The following SHB variants were observed in gnomAD, a reference collection of about 807,000 sequenced individuals.
The protein encoded by SHB is SH2 domain-containing adapter protein B.
SHB carries 20 observed loss-of-function variants against 52.3 expected under a neutral mutation model. The ratio of observed to expected loss-of-function variants is 0.38; its 90% confidence interval spans 0.27 to 0.56. The LOEUF (loss-of-function observed/expected upper bound fraction) is 0.56, where lower values mean the gene tolerates loss of function less well. Among genes scored for constraint, SHB ranks in the 20% least tolerant of loss-of-function variants. The probability of loss-of-function intolerance (pLI) is 0.71; values close to 1 mark genes in which losing one functional copy is unlikely to be tolerated. For synonymous variants in SHB, 397 were observed against 316.5 expected, an observed-to-expected ratio of 1.25 and a Z score of -2.70; for missense variants, 825 against 723.3, an observed-to-expected ratio of 1.14 and a Z score of -1.61.
chr9:38,005,381 G>A (rs1350415629), intron 2 of SHB, among the ~76,000 whole-genome samples: 15 of 152,192 alleles, frequency 9.9e-5, no homozygotes, highest in Non-Finnish European at 2.2e-4. Flanking sequence ...GAACGCAAAC[G>A]GGCCAAGCTG....
At chr9:38,033,865 C>T (rs968975057) in intron 1 of SHB, among the ~76,000 whole-genome samples, 4 of 152,160 alleles carry the variant, frequency 2.6e-5, no homozygotes, top group Admixed American at 2.6e-4. Flanking sequence ...GACACCCCCC[C>T]AGCACCACCT....
intron 1 of SHB, among the ~76,000 whole-genome samples, chr9:38,050,601 TA>T (rs1821726801): frequency 6.6e-6 from 1 of 152,178 alleles, no homozygotes; most frequent in Admixed American, 6.5e-5. Context: ...CCCTTCCCCA[TA>T]ACTATGAAGG....
intron 1 of SHB, among the ~76,000 whole-genome samples, chr9:38,049,734 C>T (rs190503203): frequency 6.6e-6 from 1 of 151,878 alleles, no homozygotes; most frequent in Non-Finnish European, 1.5e-5. Flanking sequence ...GGCACTAACA[C>T]TGGCCCACAC....
intron 4 of SHB, among the ~76,000 whole-genome samples, chr9:37,949,096 G>A (rs1832529608): frequency 6.6e-6 from 1 of 152,130 alleles, no homozygotes; most frequent in Admixed American, 6.5e-5. Flanking sequence ...TTTCAGGCAG[G>A]GTGGCCAGGG....
intron 5 of SHB, among the ~76,000 whole-genome samples, chr9:37,925,377 G>T (rs1002304961): frequency 6.6e-6 from 1 of 152,232 alleles, no homozygotes; most frequent in African/African-American, 2.4e-5. Context: ...GGAAGGACTG[G>T]GGAGCTTCCG....
intron 1 of SHB, among the ~76,000 whole-genome samples, chr9:38,040,231 G>A (rs1821556950): frequency 6.6e-6 from 1 of 152,230 alleles, no homozygotes; most frequent in African/African-American, 2.4e-5. Context: ...GGGAAAGGCT[G>A]GGGTGTGGCC....
chr9:37,953,419 A>AT (rs1229645056), intron 4 of SHB, among the ~76,000 whole-genome samples: 1 of 151,148 alleles, frequency 6.6e-6, no homozygotes, highest in Non-Finnish European at 1.5e-5. Context: ...TGTTGAGTCA[A>AT]GGTTTTTTTT....
intron 1 of SHB, among the ~76,000 whole-genome samples, chr9:38,050,103 T>C (rs1821720421): frequency 1.3e-5 from 2 of 152,180 alleles, no homozygotes; most frequent in Non-Finnish European, 2.9e-5. Flanking sequence ...CATTTAAAAA[T>C]TGAATGCATG....
chr9:38,044,666 G>C (rs1343769989), intron 1 of SHB, among the ~76,000 whole-genome samples: 1 of 152,202 alleles, frequency 6.6e-6, no homozygotes, highest in Non-Finnish European at 1.5e-5. Context: ...CTAAAATGTA[G>C]AGTCTTGGCT....
rs1832443408 is a variant in SHB, at chr9:37,942,268, C to T, written c.1346+6367G>A. 2.6e-5 allele frequency among the ~76,000 whole-genome samples: 4 copies of T among 152,334 alleles called. No homozygotes were observed. The South Asian group carries it at 8.3e-4, about 32-fold the overall frequency. ...CCGGATACAAATAGACGTCATCAAG[C>T]AATCTGAAGGACAGGAGGCAAGTTC... On this transcript the variant is annotated intron_variant, in intron 5 of 5. Coordinates refer to ENST00000377707, the MANE Select transcript of SHB (RefSeq NM_003028.3).
chr9:37,916,325 C>T lies in SHB; in HGVS notation c.*3496G>A, dbSNP rs116308222. Reference sequence around the variant, plus strand: ...ACCAAACGCCAGCCTGCTCTGCTGGCAGGGCTTCTACCTGCACAGTCCCTA... The same window carrying T: ...ACCAAACGCCAGCCTGCTCTGCTGGTAGGGCTTCTACCTGCACAGTCCCTA... On this transcript the variant is annotated 3_prime_UTR_variant, in exon 6 of 6. Coordinates refer to ENST00000377707, the MANE Select transcript of SHB (RefSeq NM_003028.3). Among the ~76,000 whole-genome samples the T allele has an allele frequency of 2.8e-3, 432 of 152,382 alleles. No homozygotes were observed. The highest frequency in any genetic ancestry group is 9.7e-3 in the African/African-American group (403 of 41,604).
intron 1 of SHB, among the ~76,000 whole-genome samples, chr9:38,021,238 G>A (rs1821279100): frequency 6.6e-6 from 1 of 152,106 alleles, no homozygotes; most frequent in African/African-American, 2.4e-5. Flanking sequence ...TACTTGGGAG[G>A]CTGAGGCAGG....
intron 1 of SHB, among the ~76,000 whole-genome samples, chr9:38,045,238 A>G (rs1330238195): frequency 6.6e-6 from 1 of 152,184 alleles, no homozygotes; most frequent in Non-Finnish European, 1.5e-5. Flanking sequence ...ATAAAGGACA[A>G]ATCAAAAGGG....
chr9:38,004,486 G>C (rs897670830), intron 2 of SHB, among the ~76,000 whole-genome samples: 125 of 152,336 alleles, frequency 8.2e-4, no homozygotes, highest in African/African-American at 2.8e-3. Context: ...GCAAAGGTGG[G>C]GGGACCAGGC....
Position 38,002,756 on chromosome 9 carries a change from A to C in SHB, c.838+13255T>G, listed in dbSNP as rs182894398. Among the ~76,000 whole-genome samples the C allele has an allele frequency of 1.6e-3, 244 of 152,330 alleles. 4 individuals are homozygous for C. The highest frequency in any genetic ancestry group is 9.8e-4 in the Admixed American group (15 of 15,300). ...AACAGCATCACATACAGTTCAGTTA[A>C]AAAGTGAGCTAAAACCAGACTGTGA... On this transcript the variant is annotated intron_variant, in intron 2 of 5. Coordinates refer to ENST00000377707, the MANE Select transcript of SHB (RefSeq NM_003028.3).
Position 38,063,410 on chromosome 9 carries a change from C to T in SHB, c.717+4519G>A, listed in dbSNP as rs1202859686. 2.0e-5 allele frequency among the ~76,000 whole-genome samples: 3 copies of T among 152,264 alleles called. No individual in the cohort carries two copies. The East Asian group carries it at 5.8e-4, about 29-fold the overall frequency. On this transcript the variant is annotated intron_variant, in intron 1 of 5. Coordinates refer to ENST00000377707, the MANE Select transcript of SHB (RefSeq NM_003028.3). The stretch of plus-strand genomic sequence containing the variant: ...CTTCTGCAGTCTCCCACCACACCTG[C>T]CCTGCTGCCCCCAGCCATCCTCTCC...
intron 1 of SHB, among the ~76,000 whole-genome samples, chr9:38,043,401 CATCTT>C (rs1276526050): frequency 1.3e-5 from 2 of 152,212 alleles, no homozygotes; most frequent in African/African-American, 4.8e-5. Flanking sequence ...TGGGGACTGA[CATCTT>C]AACTGTGCAT....
At chr9:37,955,208 A>G (rs1222630175) in intron 4 of SHB, among the ~76,000 whole-genome samples, 1 of 152,264 alleles carries the variant, frequency 6.6e-6, no homozygotes, top group Non-Finnish European at 1.5e-5. Flanking sequence ...CTGCATGATG[A>G]AATGAGAAAC....
chr9:37,978,704 T>C (rs1188882418), intron 2 of SHB, among the ~76,000 whole-genome samples: 1 of 152,220 alleles, frequency 6.6e-6, no homozygotes, highest in Non-Finnish European at 1.5e-5. Context: ...TACACTGTGA[T>C]GACAGCAACG....
Sources: allele counts gnomAD v4.1 joint callset (sites outside exome capture counted in the v4.1 genomes callset), GRCh38; gene constraint gnomAD v4.1.1; transcripts MANE v1.5; gene names NCBI Gene and HGNC (gene_info 2026-07-23, HGNC 2026-07-21).